Variants in RPH3A observed in about 807,000 individuals in gnomAD.
RPH3A encodes the protein rabphilin 3A.
A neutral mutation model predicts 102.2 loss-of-function variants in RPH3A; 48 were observed. The ratio of observed to expected loss-of-function variants is 0.47; its 90% CI spans 0.37 to 0.60. The LOEUF is 0.60. Among genes scored for constraint, RPH3A ranks in the 20% least tolerant of loss-of-function variants. The probability of loss-of-function intolerance (pLI) is 0.00; values close to 1 mark genes in which losing one functional copy is unlikely to be tolerated. For synonymous variants in RPH3A, 310 were observed against 324.3 expected (o/e 0.96, Z 0.47); for missense variants, 781 against 910.1 (o/e 0.86, Z 1.83).
intron 5 of RPH3A, among the ~76,000 whole-genome samples, chr12:112,858,266 CAAAAAAAAA>C (rs1164602599): frequency 2.2e-5 from 1 of 44,768 alleles, no homozygotes; most frequent in East Asian, 7.1e-4. Flanking sequence ...GACCCTGTCT[CAAAAAAAAA>C]AAAAAAAAAA....
At chr12:112,883,872 CTTTTATTTATCCAG>C (rs1008400197) in intron 16 of RPH3A, among the ~76,000 whole-genome samples, 4 of 152,056 alleles carry the variant, frequency 2.6e-5, no homozygotes, top group African/African-American at 4.8e-5. Flanking sequence ...TATATATCCA[CTTTTATTTATCCAG>C]TTTTATTTAT....
chr12:112,802,614 G>T (rs1388414849), intron 2 of RPH3A, among the ~76,000 whole-genome samples: 1 of 152,026 alleles, frequency 6.6e-6, no homozygotes, highest in African/African-American at 2.4e-5. Context: ...TGTGTGAGTG[G>T]TGTGTGTGGG....
chr12:112,847,899 G>A, intron 5 of RPH3A, 57 bp downstream of exon 5: 6 of 1,584,896 alleles, frequency 3.8e-6, no homozygotes, highest in Non-Finnish European at 5.2e-6. Context: ...GGGTGTGCTG[G>A]GCTGGAGCAG....
chr12:112,827,680 ATT>A (rs907395281), intron 2 of RPH3A, among the ~76,000 whole-genome samples: 1 of 151,270 alleles, frequency 6.6e-6, no homozygotes, highest in East Asian at 1.9e-4. Context: ...GATGTAGAGT[ATT>A]TTTTTTTAAA....
chr12:112,852,224 A>G (rs2042334799), intron 5 of RPH3A, among the ~76,000 whole-genome samples: 1 of 152,148 alleles, frequency 6.6e-6, no homozygotes, highest in Non-Finnish European at 1.5e-5. Context: ...GCTCCTTTAC[A>G]TGGCAGTTGG....
intron 19 of RPH3A, 105 bp from the exon 20 acceptor site, chr12:112,894,473 G>C (rs1295524578): frequency 4.1e-6 from 4 of 985,182 alleles, no homozygotes; most frequent in Non-Finnish European, 6.2e-6. Context: ...ATCCCTTTCT[G>C]ATTTATTCAT....
chr12:112,743,568 G>A (rs1297709283), intron 1 of RPH3A, among the ~76,000 whole-genome samples: 2 of 152,204 alleles, frequency 1.3e-5, no homozygotes, highest in East Asian at 3.8e-4. Context: ...GCAGCCTCAT[G>A]GGGAATCGCA....
chr12:112,771,760 C>T (rs2040929018), intron 1 of RPH3A, among the ~76,000 whole-genome samples: 1 of 152,278 alleles, frequency 6.6e-6, no homozygotes, highest in African/African-American at 2.4e-5. Flanking sequence ...AATACACTCT[C>T]CTAGTTTTGT....
chr12:112,787,575 T>G (rs1176837223), upstream of RPH3A, among the ~76,000 whole-genome samples: 1 of 152,196 alleles, frequency 6.6e-6, no homozygotes, highest in African/African-American at 2.4e-5. Flanking sequence ...ACCTGCCCCC[T>G]GCAAAAGGAG....
rs60392620 is a variant in RPH3A at position 112,663,059 on chromosome 12, G to GGTGTGTGTGTGTGT, written c.-140+87756_-140+87769dup. Among the ~76,000 whole-genome samples, 752 of 141,228 alleles carry GGTGTGTGTGTGTGT rather than the reference G, an allele frequency of 5.3e-3. 8 individuals are homozygous for GGTGTGTGTGTGTGT. The highest frequency in any genetic ancestry group is 0.019 in the African/African-American group (681 of 36,682). The allele number at this position is 141,228 out of a possible 152,430, so 92.7% of individuals were successfully genotyped here. A position where few individuals can be genotyped will look rare whatever the true frequency, so the allele number is the denominator to read the frequency against. ...CAGAGATGAGGATGGCTAAGTGATT[G>GGTGTGTGTGTGTGT]GTGTGTGTGTGTGTGTGTGTGTGTG... is the stretch of plus-strand genomic sequence containing the variant. On this transcript the variant is annotated intron_variant, in intron 1 of 21. Coordinates refer to the RPH3A transcript ENST00000543106.
At chr12:112,895,429 TA>T in intron 20 of RPH3A, 1 of 200,162 alleles carries the variant, frequency 5.0e-6, no homozygotes, top group Non-Finnish European at 1.0e-5. Context: ...TCCTAAGCAA[TA>T]AAAAAGGGGA....
intron 4 of RPH3A, among the ~76,000 whole-genome samples, chr12:112,841,715 T>G (rs1395859162): frequency 6.6e-6 from 1 of 151,216 alleles, no homozygotes; most frequent in African/African-American, 2.4e-5. Context: ...TGGTTTTTTT[T>G]TTTTTTCCAT....
intron 1 of RPH3A, among the ~76,000 whole-genome samples, chr12:112,774,128 A>G (rs6489859): frequency 0.5 from 74,389 of 150,212 alleles, 19,647 homozygotes; most frequent in East Asian, 0.69. Context: ...GAAGATGGAC[A>G]TAGCATATCC....
intron 1 of RPH3A, among the ~76,000 whole-genome samples, chr12:112,758,180 G>C (rs1006048268): frequency 6.6e-6 from 1 of 152,210 alleles, no homozygotes; most frequent in Non-Finnish European, 1.5e-5. Flanking sequence ...GAAGATGAGA[G>C]CTCGTGGATA....
chr12:112,658,210 T>C (rs903309211), intron 1 of RPH3A, among the ~76,000 whole-genome samples: 1 of 152,204 alleles, frequency 6.6e-6, no homozygotes, highest in Non-Finnish European at 1.5e-5. Flanking sequence ...GGAATCTTGC[T>C]CTGTCGTCCT....
upstream of RPH3A, among the ~76,000 whole-genome samples, chr12:112,788,307 C>T (rs2041064926): frequency 6.6e-6 from 1 of 152,216 alleles, no homozygotes; most frequent in Non-Finnish European, 1.5e-5. Context: ...TGGGCAGATG[C>T]CCAGTATGCA....
intron 2 of RPH3A, among the ~76,000 whole-genome samples, chr12:112,827,466 G>A (rs1299753961): frequency 6.6e-6 from 1 of 152,142 alleles, no homozygotes; most frequent in Non-Finnish European, 1.5e-5. Context: ...TGAATACTGG[G>A]CTGTTTCTAC....
chr12:112,748,102 CG>C lies in RPH3A; in HGVS notation c.-139-44037del, dbSNP rs748431074. The stretch of plus-strand genomic sequence containing the variant: ...CTGGAAGATGGGGAGAAAAGACTTG[CG>C]GGGCAGCTGGCAGCCTCTGCCACAT... On this transcript the variant is annotated intron_variant, in intron 1 of 21. Transcript: ENST00000543106. 7.6e-4 allele frequency among the ~76,000 whole-genome samples: 116 copies of C among 152,256 alleles called. No individual in the cohort carries two copies. The Middle Eastern group carries it at 0.014, about 18-fold the overall frequency.
chr12:112,794,821 C>T (rs990201480), intron 2 of RPH3A, among the ~76,000 whole-genome samples: 6 of 152,228 alleles, frequency 3.9e-5, no homozygotes, highest in African/African-American at 1.4e-4. Flanking sequence ...GCATCATCCC[C>T]TCACTCCTGG....
Sources: allele counts gnomAD v4.1 joint callset (sites outside exome capture counted in the v4.1 genomes callset), GRCh38; gene constraint gnomAD v4.1.1; transcripts MANE v1.5; gene names NCBI Gene and HGNC (gene_info 2026-07-23, HGNC 2026-07-21).